RBFOX1: variants seen among roughly 807,000 people sequenced by gnomAD.
RBFOX1 encodes the protein RNA binding protein fox-1 homolog 1.
A neutral mutation model predicts 57.7 loss-of-function variants in RBFOX1; 8 were observed. The observed-to-expected ratio is 0.14, with a 90% confidence interval of 0.08 to 0.25. The LOEUF is 0.25. Among genes scored for constraint, RBFOX1 ranks in the 10% least tolerant of loss-of-function variants. The probability of loss-of-function intolerance (pLI) is 1.00; values close to 1 mark genes in which losing one functional copy is unlikely to be tolerated. For missense variants in RBFOX1, 611 were observed against 548.5 expected (o/e 1.11, Z -1.14); for synonymous variants, 326 against 222.4 (o/e 1.47, Z -4.15).
chr16:6,977,505 T>TA (rs2087356778), intron 3 of RBFOX1, among the ~76,000 whole-genome samples: 2 of 152,062 alleles, frequency 1.3e-5, no homozygotes, highest in Non-Finnish European at 2.9e-5. Context: ...CCCAGCCTCA[T>TA]TTTCCAGCCC....
intron 10 of RBFOX1, among the ~76,000 whole-genome samples, chr16:7,624,565 G>T (rs1028345956): frequency 6.6e-6 from 1 of 152,166 alleles, no homozygotes; most frequent in African/African-American, 2.4e-5. Context: ...GCACATAGAC[G>T]AGTAGATGCC....
At chr16:7,047,404 A>G (rs111236691) in intron 3 of RBFOX1, among the ~76,000 whole-genome samples, 1 of 151,572 alleles carries the variant, frequency 6.6e-6, no homozygotes. Flanking sequence ...TTTAGTTTGG[A>G]TTTTGTTTTA....
intron 1 of RBFOX1, among the ~76,000 whole-genome samples, chr16:5,350,253 G>T (rs1350698327): frequency 1.3e-5 from 2 of 152,230 alleles, no homozygotes; most frequent in African/African-American, 4.8e-5. Flanking sequence ...GGACTCTGAA[G>T]TCTTGACAAG....
At chr16:6,360,824 A>G (rs1160671723) in intron 2 of RBFOX1, among the ~76,000 whole-genome samples, 1 of 152,208 alleles carries the variant, frequency 6.6e-6, no homozygotes, top group East Asian at 1.9e-4. Flanking sequence ...CATAGTTATC[A>G]TTGTGAATGG....
At chr16:6,992,196 C>G (rs1033650481) in intron 3 of RBFOX1, among the ~76,000 whole-genome samples, 1 of 150,454 alleles carries the variant, frequency 6.6e-6, no homozygotes. Flanking sequence ...TGGAGTCTCA[C>G]TCTGTTGCAC....
At chr16:5,913,998 C>G (rs1314075120) in intron 4 of RBFOX1, among the ~76,000 whole-genome samples, 1 of 152,168 alleles carries the variant, frequency 6.6e-6, no homozygotes, top group Non-Finnish European at 1.5e-5. Flanking sequence ...TAGAGCCATC[C>G]AACTTGCAGT....
At chr16:6,615,916 C>T (rs2098134536) in intron 2 of RBFOX1, among the ~76,000 whole-genome samples, 1 of 152,188 alleles carries the variant, frequency 6.6e-6, no homozygotes, top group East Asian at 1.9e-4. Flanking sequence ...TCCCTCATAA[C>T]CTCCCTCGGT....
chr16:6,999,812 C>G (rs1000489421), intron 3 of RBFOX1, among the ~76,000 whole-genome samples: 3 of 152,014 alleles, frequency 2.0e-5, no homozygotes, highest in African/African-American at 4.8e-5. Context: ...TGGCTCATGC[C>G]TGTAATCCCA....
chr16:7,345,979 C>A (rs1294362931), intron 4 of RBFOX1, among the ~76,000 whole-genome samples: 2 of 152,166 alleles, frequency 1.3e-5, no homozygotes, highest in African/African-American at 2.4e-5. Context: ...CCTCCCAGCT[C>A]CTCCAACCCC....
chr16:6,565,577 C>T (rs776620794), intron 2 of RBFOX1, among the ~76,000 whole-genome samples: 6 of 151,572 alleles, frequency 4.0e-5, no homozygotes, highest in Non-Finnish European at 5.9e-5. Flanking sequence ...AGCCGATTCT[C>T]CTGCCTCAGC....
chr16:6,396,969 C>G (rs991378853), intron 2 of RBFOX1, among the ~76,000 whole-genome samples: 7 of 151,970 alleles, frequency 4.6e-5, no homozygotes, highest in Admixed American at 3.3e-4. Context: ...GACAGCACAA[C>G]AGATCAGTGA....
At chr16:7,076,588 C>T (rs1362777105) in intron 4 of RBFOX1, among the ~76,000 whole-genome samples, 1 of 152,174 alleles carries the variant, frequency 6.6e-6, no homozygotes, top group Non-Finnish European at 1.5e-5. Context: ...TGAATTTCTT[C>T]AAATTACTGC....
chr16:6,607,070 T>C (rs1212261668), intron 2 of RBFOX1, among the ~76,000 whole-genome samples: 1 of 152,196 alleles, frequency 6.6e-6, no homozygotes. Flanking sequence ...CATTTTTTAA[T>C]ATACCTGAGG....
chr16:6,954,424 T>G (rs1235997115), intron 3 of RBFOX1, among the ~76,000 whole-genome samples: 1 of 152,118 alleles, frequency 6.6e-6, no homozygotes, highest in Non-Finnish European at 1.5e-5. Context: ...TGATTGGCAT[T>G]TTTAAAATTA....
At chr16:6,580,907 G>C (rs1285814525) in intron 2 of RBFOX1, among the ~76,000 whole-genome samples, 1 of 87,328 alleles carries the variant, frequency 1.1e-5, no homozygotes, top group Non-Finnish European at 2.1e-5. Flanking sequence ...ATTTGGGCTT[G>C]CTTTTTTTTT....
intron 3 of RBFOX1, among the ~76,000 whole-genome samples, chr16:5,708,562 T>A (rs1355427102): frequency 6.6e-6 from 1 of 152,226 alleles, no homozygotes; most frequent in East Asian, 1.9e-4. Context: ...AGAATCCTGC[T>A]TTAAGCAGCT....
chr16:5,816,663 A>G (rs776662987), intron 3 of RBFOX1, among the ~76,000 whole-genome samples: 1 of 152,140 alleles, frequency 6.6e-6, no homozygotes. Context: ...TTGTGCCTAT[A>G]GTCCCAACTA....
At chr16:7,349,345 A>G (rs1468141200) in intron 4 of RBFOX1, among the ~76,000 whole-genome samples, 2 of 152,110 alleles carry the variant, frequency 1.3e-5, no homozygotes, top group Admixed American at 6.5e-5. Context: ...TCGGTTTTCA[A>G]TTTAAGTGAC....
intron 3 of RBFOX1, among the ~76,000 whole-genome samples, chr16:6,960,342 C>G (rs138878330): frequency 6.6e-6 from 1 of 152,092 alleles, no homozygotes; most frequent in Non-Finnish European, 1.5e-5. Flanking sequence ...TACAGGTAGA[C>G]ATATAGCTTA....
Sources: allele counts gnomAD v4.1 joint callset (sites outside exome capture counted in the v4.1 genomes callset), GRCh38; gene constraint gnomAD v4.1.1; transcripts MANE v1.5; gene names NCBI Gene and HGNC (gene_info 2026-07-23, HGNC 2026-07-21).